Variants in CACNA2D3 observed in about 807,000 individuals in gnomAD.
CACNA2D3 encodes calcium voltage-gated channel auxiliary subunit alpha2delta 3.
A neutral mutation model predicts 160.6 loss-of-function variants in CACNA2D3; 60 were observed. The ratio of observed to expected loss-of-function variants is 0.37; its 90% confidence interval spans 0.30 to 0.46. The LOEUF is 0.46. Ranked by LOEUF, CACNA2D3 falls within the 20% of genes least tolerant of loss-of-function variation. CACNA2D3 has a pLI of 1.00. For synonymous variants in CACNA2D3, 558 were observed against 492.9 expected (o/e 1.13, Z -1.75); for missense variants, 1,205 against 1,365.0 (o/e 0.88, Z 1.85).
At chr3:54,466,371 A>G (rs1283944792) in intron 4 of CACNA2D3, among the ~76,000 whole-genome samples, 1 of 152,206 alleles carries the variant, frequency 6.6e-6, no homozygotes, top group Non-Finnish European at 1.5e-5. Flanking sequence ...TTTCTATATG[A>G]TATCACTGTT....
chr3:54,438,063 A>G (rs1700086551), intron 4 of CACNA2D3, among the ~76,000 whole-genome samples: 1 of 152,186 alleles, frequency 6.6e-6, no homozygotes, highest in African/African-American at 2.4e-5. Flanking sequence ...TATAAAAAAA[A>G]CTAAAGTTTC....
chr3:54,965,194 T>G (rs531032812), intron 27 of CACNA2D3, among the ~76,000 whole-genome samples: 3 of 152,128 alleles, frequency 2.0e-5, no homozygotes, highest in East Asian at 1.9e-4. Flanking sequence ...AAGAAAACTT[T>G]ATTTACAAAA....
intron 30 of CACNA2D3, among the ~76,000 whole-genome samples, chr3:54,986,690 G>A (rs572335422): frequency 1.8e-4 from 27 of 152,238 alleles, no homozygotes; most frequent in South Asian, 4.2e-4. Context: ...CAAAGCCTAC[G>A]GAATATACAT....
At chr3:54,920,639 CT>C (rs914799588) in intron 27 of CACNA2D3, among the ~76,000 whole-genome samples, 7 of 152,120 alleles carry the variant, frequency 4.6e-5, no homozygotes, top group African/African-American at 1.7e-4. Context: ...CCATAGGAGC[CT>C]CTGCCAGGAA....
chr3:54,761,654 G>C (rs1418515147), intron 12 of CACNA2D3, among the ~76,000 whole-genome samples: 3 of 152,210 alleles, frequency 2.0e-5, no homozygotes, highest in Non-Finnish European at 4.4e-5. Flanking sequence ...CCTGCTCCCA[G>C]GTCTCAAACT....
At chr3:55,018,563 T>A (rs1703378059) in intron 35 of CACNA2D3, among the ~76,000 whole-genome samples, 4 of 152,198 alleles carry the variant, frequency 2.6e-5, no homozygotes, top group African/African-American at 9.7e-5. Flanking sequence ...TGTAGGTCAG[T>A]TTGTTCATGT....
At chr3:54,774,508 C>A (rs1049101168) in intron 13 of CACNA2D3, among the ~76,000 whole-genome samples, 1 of 152,110 alleles carries the variant, frequency 6.6e-6, no homozygotes, top group Non-Finnish European at 1.5e-5. Flanking sequence ...ATCCAGTCAA[C>A]TCCCAGCAGG....
At chr3:54,592,801 G>A (rs902311884) in intron 9 of CACNA2D3, among the ~76,000 whole-genome samples, 5 of 152,152 alleles carry the variant, frequency 3.3e-5, no homozygotes, top group Non-Finnish European at 5.9e-5. Flanking sequence ...ATCTTTTCTT[G>A]TGGGATCAGA....
At chr3:54,904,216 T>C (rs9812257) in intron 27 of CACNA2D3, among the ~76,000 whole-genome samples, 2,626 of 152,270 alleles carry the variant, frequency 0.017, 73 homozygotes, top group African/African-American at 0.06. Flanking sequence ...GTTTTATAAA[T>C]TACGCTGATC....
At chr3:54,630,899 T>A (rs898165769) in intron 10 of CACNA2D3, among the ~76,000 whole-genome samples, 1 of 152,106 alleles carries the variant, frequency 6.6e-6, no homozygotes, top group African/African-American at 2.4e-5. Context: ...AATAAATGTT[T>A]TTTAAAAAAA....
intron 6 of CACNA2D3, 74 bp downstream of exon 6, chr3:54,563,005 C>G: frequency 2.1e-6 from 3 of 1,419,040 alleles, no homozygotes; most frequent in Non-Finnish European, 2.9e-6. Context: ...CTTTAGGGTT[C>G]AAGGTTAAAA....
In CACNA2D3 at chr3:54,149,753, G is replaced by A. The variant is rs983061252; in HGVS notation, c.204+26159G>A. 3.9e-4 allele frequency among the ~76,000 whole-genome samples: 60 copies of A among 152,274 alleles called. 1 individual carries two copies. Among genetic ancestry groups the A allele is most frequent in the African/African-American group, 1.3e-3 (54 of 41,548 alleles). Reference sequence around the variant, plus strand: ...GTGTGATGTGTTTTGGGTACCCACAGCAGTGTACCTCCAGGTTCTCTGAGA... The same window carrying A: ...GTGTGATGTGTTTTGGGTACCCACAACAGTGTACCTCCAGGTTCTCTGAGA... On this transcript the variant is annotated intron_variant, in intron 2 of 37. Transcript: ENST00000474759.
At chr3:54,649,360 G>C (rs1197414880) in intron 11 of CACNA2D3, among the ~76,000 whole-genome samples, 1 of 152,194 alleles carries the variant, frequency 6.6e-6, no homozygotes, top group Non-Finnish European at 1.5e-5. Context: ...GAATTTCACA[G>C]CTTTCAGGTC....
At chr3:54,310,506 C>G (rs571317352) in intron 2 of CACNA2D3, among the ~76,000 whole-genome samples, 13 of 152,294 alleles carry the variant, frequency 8.5e-5, no homozygotes, top group Admixed American at 7.2e-4. Flanking sequence ...CCAATACACA[C>G]ACACAAATAT....
chr3:54,759,066 G>A (rs1024106472), intron 12 of CACNA2D3, among the ~76,000 whole-genome samples: 3 of 152,192 alleles, frequency 2.0e-5, no homozygotes, highest in African/African-American at 4.8e-5. Flanking sequence ...ACAAAGCACT[G>A]CGTTGCATAT....
At chr3:54,156,475 A>G (rs549420476) in intron 2 of CACNA2D3, among the ~76,000 whole-genome samples, 100 of 152,266 alleles carry the variant, frequency 6.6e-4, no homozygotes, top group Non-Finnish European at 5.7e-4. Context: ...TGGAGCACCA[A>G]TTGCATCTGC....
In CACNA2D3 at chr3:54,876,022, T is replaced by C. The variant is rs376425501; in HGVS notation, c.1711-2996T>C. Among the ~76,000 whole-genome samples the C allele has an allele frequency of 9.3e-4, 141 of 152,150 alleles. 1 individual carries two copies. The highest frequency in any genetic ancestry group is 2.7e-3 in the Admixed American group (41 of 15,296). Reference sequence around the variant, plus strand: ...GTTAAGTTGAACAGCTGCACATGGGTTTTTTAATGACTACATAATATGCTA... The same window carrying C: ...GTTAAGTTGAACAGCTGCACATGGGCTTTTTAATGACTACATAATATGCTA... On this transcript the variant is annotated intron_variant, in intron 18 of 37. Transcript: ENST00000474759.
chr3:54,322,013 A>C (rs1310655672), intron 3 of CACNA2D3, among the ~76,000 whole-genome samples: 1 of 152,144 alleles, frequency 6.6e-6, no homozygotes, highest in Non-Finnish European at 1.5e-5. Flanking sequence ...GAATCACAGA[A>C]TTTTAGAGGA....
chr3:54,211,434 A>G (rs569314761), intron 2 of CACNA2D3, among the ~76,000 whole-genome samples: 1 of 152,114 alleles, frequency 6.6e-6, no homozygotes, highest in Non-Finnish European at 1.5e-5. Flanking sequence ...GGGCACTTTT[A>G]TTTTAGGATA....
Sources: allele counts gnomAD v4.1 joint callset (sites outside exome capture counted in the v4.1 genomes callset), GRCh38; gene constraint gnomAD v4.1.1; transcripts MANE v1.5; gene names NCBI Gene and HGNC (gene_info 2026-07-23, HGNC 2026-07-21).